Variants in CCDC30 observed in about 807,000 individuals in gnomAD.
CCDC30 encodes coiled-coil domain-containing protein 30.
In CCDC30, 70 loss-of-function variants were observed where a neutral mutation model predicts 100.2. The observed-to-expected ratio is 0.70, with a 90% confidence interval of 0.58 to 0.85. The LOEUF (loss-of-function observed/expected upper bound fraction) is 0.85. CCDC30 is among the 40% of genes least tolerant of loss of function. CCDC30 has a pLI of 0.00. For missense variants in CCDC30, 652 were observed against 771.2 expected (o/e 0.85, Z 1.83); for synonymous variants, 233 against 269.5 (o/e 0.86, Z 1.33).
At chr1:42,456,998 C>G in the CCDC30 span, 1 of 1,602,168 alleles carries the variant, frequency 6.2e-7, no homozygotes, top group African/African-American at 1.3e-5. Context: ...AGGCACCTTC[C>G]TGGCAGTAGA....
exon 6 of CCDC30, chr1:42,498,841 G>A (rs1644266261): frequency 1.6e-6 from 2 of 1,233,768 alleles, no homozygotes; most frequent in Admixed American, 4.2e-5. Flanking sequence ...AAGGAGAGGT[G>A]TGTGAATCTC....
chr1:42,619,005 G>T (rs890012434), intron 11 of CCDC30, among the ~76,000 whole-genome samples: 2 of 152,048 alleles, frequency 1.3e-5, no homozygotes, highest in African/African-American at 4.8e-5. Context: ...TCATATAACT[G>T]CAAGGAAAGC....
intron 6 of CCDC30, among the ~76,000 whole-genome samples, chr1:42,560,299 A>T (rs1204612034): frequency 6.6e-6 from 1 of 152,114 alleles, no homozygotes; most frequent in Non-Finnish European, 1.5e-5. Context: ...ATCAAAGAAG[A>T]GTTGAAGGAG....
chr1:42,545,970 T>C (rs1223702422), intron 6 of CCDC30, among the ~76,000 whole-genome samples: 1 of 149,506 alleles, frequency 6.7e-6, no homozygotes, highest in African/African-American at 2.5e-5. Context: ...ATAATAATAA[T>C]TTAATATTCA....
At chr1:42,566,376 G>C (rs1347976786) in exon 7 of CCDC30, 1 of 1,613,966 alleles carries the variant, frequency 6.2e-7, no homozygotes, top group East Asian at 2.2e-5. Context: ...ACCGGCTCCA[G>C]ATTCTATGCA....
At position 42,464,430 on chromosome 1, in the gene CCDC30, A is replaced by G. The variant is rs771719849; in HGVS notation, c.-92+532A>G. 2.6e-5 allele frequency among the ~76,000 whole-genome samples: 4 copies of G among 152,352 alleles called. No individual in the cohort carries two copies. The South Asian group carries it at 6.2e-4, about 24-fold the overall frequency. On this transcript the variant is annotated intron_variant, in intron 1 of 16. Transcript: ENST00000668663. ...TCAACTTTAAGCCCATATGAACCCA[A>G]CACTGGGGATATGATGTAATTTTCT...
In CCDC30 at chr1:42,614,789, A is replaced by G. The variant is rs1045266339; in HGVS notation, c.1277+3699A>G. Among the ~76,000 whole-genome samples the G allele has an allele frequency of 8.7e-5, 13 of 148,800 alleles. 1 individual carries two copies. Among genetic ancestry groups the G allele is most frequent in the Admixed American group, 6.7e-4 (10 of 14,948 alleles). ...ATGACAGAGTAAGACTCCATCTCGA[A>G]AAAAAAAAAAAAGATACAGAATATT... On this transcript the variant is annotated intron_variant, in intron 11 of 16. Transcript: ENST00000668663.
chr1:42,472,210 A>G (rs111614527), intron 1 of CCDC30, among the ~76,000 whole-genome samples: 2,179 of 152,170 alleles, frequency 0.014, 52 homozygotes, highest in African/African-American at 0.05. Flanking sequence ...CTGAGATCAC[A>G]CCACTGCACT....
chr1:42,459,155 CTTTTTT>C (rs11316113), upstream of CCDC30: 5 of 92,736 alleles, frequency 5.4e-5, no homozygotes, highest in Admixed American at 1.3e-4. Context: ...AGAGCCAAGG[CTTTTTT>C]TTTTTTTTTT....
chr1:42,456,163 A>G, the CCDC30 span: 2 of 630,646 alleles, frequency 3.2e-6, no homozygotes, highest in Non-Finnish European at 5.7e-6. Flanking sequence ...AAGTTGGAAA[A>G]GGGGAAGAAA....
intron 6 of CCDC30, among the ~76,000 whole-genome samples, chr1:42,563,831 C>T (rs1250286078): frequency 1.3e-5 from 2 of 151,532 alleles, no homozygotes; most frequent in Non-Finnish European, 2.9e-5. Context: ...GAGCTGAGAT[C>T]GCACCACTGC....
intron 8 of CCDC30, among the ~76,000 whole-genome samples, chr1:42,580,451 G>A (rs1260846762): frequency 6.6e-6 from 1 of 152,132 alleles, no homozygotes; most frequent in East Asian, 1.9e-4. Context: ...AAGATTCCTT[G>A]TTGGGTCAGA....
intron 4 of CCDC30, among the ~76,000 whole-genome samples, chr1:42,495,860 C>T (rs950540378): frequency 3.3e-5 from 5 of 151,990 alleles, no homozygotes; most frequent in African/African-American, 9.7e-5. Context: ...GAATACTTCC[C>T]ACCTTTTTAA....
intron 1 of CCDC30, among the ~76,000 whole-genome samples, chr1:42,470,092 G>C (rs563191673): frequency 6.6e-6 from 1 of 152,296 alleles, no homozygotes; most frequent in South Asian, 2.1e-4. Context: ...GTGGGACAAA[G>C]GGGTAAGATA....
chr1:42,513,928 G>C (rs1027266170), intron 6 of CCDC30, among the ~76,000 whole-genome samples: 3 of 152,084 alleles, frequency 2.0e-5, no homozygotes, highest in South Asian at 2.1e-4. Context: ...GTGAGAGAGG[G>C]GGAAGGGCTT....
At chr1:42,573,246 T>A (rs986881104) in intron 7 of CCDC30, among the ~76,000 whole-genome samples, 2 of 152,192 alleles carry the variant, frequency 1.3e-5, no homozygotes, top group Non-Finnish European at 2.9e-5. Context: ...AGAATTTAAA[T>A]CTTTGCAATA....
intron 11 of CCDC30, among the ~76,000 whole-genome samples, chr1:42,631,533 C>A (rs921065159): frequency 6.6e-6 from 1 of 152,202 alleles, no homozygotes; most frequent in Non-Finnish European, 1.5e-5. Context: ...AGATGCAAAG[C>A]CAGCAAGGCC....
upstream of CCDC30, chr1:42,460,160 T>C (rs1396882004): frequency 8.8e-6 from 11 of 1,249,288 alleles, no homozygotes; most frequent in Middle Eastern, 3.1e-4. Flanking sequence ...AAGAGCTTAT[T>C]GGGAATTATA....
chr1:42,571,296 C>A (rs1490165435), intron 7 of CCDC30: 1 of 152,058 alleles, frequency 6.6e-6, no homozygotes, highest in Non-Finnish European at 1.5e-5. Context: ...TCTTCTTTTT[C>A]TTTGATTTGT....
Sources: allele counts gnomAD v4.1 joint callset (sites outside exome capture counted in the v4.1 genomes callset), GRCh38; gene constraint gnomAD v4.1.1; transcripts MANE v1.5; gene names NCBI Gene and HGNC (gene_info 2026-07-23, HGNC 2026-07-21).